Variants in MACF1 observed in about 807,000 individuals in gnomAD.
MACF1 encodes microtubule-actin cross-linking factor 1.
MACF1 carries 193 observed loss-of-function variants against 854.8 expected under a neutral mutation model. The observed-to-expected ratio is 0.23, with a 90% CI of 0.20 to 0.25. The LOEUF (loss-of-function observed/expected upper bound fraction) is 0.25, where lower values mean the gene tolerates loss of function less well. MACF1 is among the 10% of genes least tolerant of loss of function. The probability of loss-of-function intolerance (pLI) is 1.00; values close to 1 mark genes in which losing one functional copy is unlikely to be tolerated. For missense variants in MACF1, 7,722 were observed against 8,929.1 expected (o/e 0.86, Z 5.45); for synonymous variants, 3,185 against 3,226.7 (o/e 0.99, Z 0.44).
At chr1:39,419,800 TGTG>T (rs1278904610) in intron 58 of MACF1, among the ~76,000 whole-genome samples, 1 of 116,890 alleles carries the variant, frequency 8.6e-6, no homozygotes, top group Admixed American at 7.7e-5. Flanking sequence ...GCCTGGCTAG[TGTG>T]TGTGTGTGTG....
At chr1:39,328,274 A>G (rs1312028550) in intron 36 of MACF1, 1 of 152,218 alleles carries the variant, frequency 6.6e-6, no homozygotes. Flanking sequence ...AAGGTAGCCC[A>G]CTTCCAGTGG....
intron 41 of MACF1, among the ~76,000 whole-genome samples, chr1:39,348,722 C>T (rs145578613): frequency 1.3e-5 from 2 of 152,292 alleles, no homozygotes; most frequent in East Asian, 3.9e-4. Flanking sequence ...GTCAGGAGAA[C>T]ACATCATGCT....
At chr1:39,098,688 G>T (rs1641993469) in intron 2 of MACF1, among the ~76,000 whole-genome samples, 1 of 152,226 alleles carries the variant, frequency 6.6e-6, no homozygotes, top group Admixed American at 6.5e-5. Context: ...GACTTGGCCA[G>T]TTGCTATGGT....
chr1:39,101,396 G>GTGTA (rs1282615491), intron 2 of MACF1, among the ~76,000 whole-genome samples: 4 of 148,056 alleles, frequency 2.7e-5, no homozygotes, highest in Non-Finnish European at 6.0e-5. Flanking sequence ...ATATGTGTGT[G>GTGTA]TATATGTATA....
intron 2 of MACF1, among the ~76,000 whole-genome samples, chr1:39,175,388 C>T (rs553110133): frequency 3.9e-5 from 6 of 152,262 alleles, no homozygotes; most frequent in Middle Eastern, 3.4e-3. Context: ...GAATCATGTA[C>T]AGCATTCAGA....
At chr1:39,097,824 T>C (rs1641973614) in intron 2 of MACF1, among the ~76,000 whole-genome samples, 1 of 152,176 alleles carries the variant, frequency 6.6e-6, no homozygotes. Flanking sequence ...GTGACTCTGA[T>C]CTCAACTGAG....
At chr1:39,430,103 G>T (rs147833547) in intron 65 of MACF1, 35 bp downstream of exon 65, 163 of 1,584,744 alleles carry the variant, frequency 1.0e-4, no homozygotes, top group Non-Finnish European at 1.4e-4. Flanking sequence ...AGAAAAAAAG[G>T]CTTCCTCTTT....
At chr1:39,386,842 G>A (rs1641820569) in intron 57 of MACF1, among the ~76,000 whole-genome samples, 2 of 152,208 alleles carry the variant, frequency 1.3e-5, no homozygotes, top group African/African-American at 2.4e-5. Context: ...TGGGATTACA[G>A]GCATGAGCCA....
intron 40 of MACF1, among the ~76,000 whole-genome samples, chr1:39,342,151 T>C (rs1364959804): frequency 6.6e-6 from 1 of 152,004 alleles, no homozygotes; most frequent in Non-Finnish European, 1.5e-5. Flanking sequence ...CATGCCATAT[T>C]TGGCTTTCTG....
rs1310213128 is a variant in MACF1, at chr1:39,310,345, C to T, written c.3017C>T (p.Ser1006Leu). ...LQDSRDSVLF[S>L]VADRLRLEEE... Reference sequence around the variant, plus strand: ...GATAGTCGTGACTCTGTGCTGTTCTCAGTGGCTGATCGCTTGCGCTTGGAA... The same window carrying T: ...GATAGTCGTGACTCTGTGCTGTTCTTAGTGGCTGATCGCTTGCGCTTGGAA... Residue 1006 changes from serine (S) to leucine (L), a missense_variant, in exon 25 of 101, where the codon TCA (serine) becomes TTA (leucine). Transcript: ENST00000564288. The T allele has an allele frequency of 2.5e-6, 4 of 1,614,158 alleles. No homozygotes were observed. Among genetic ancestry groups the T allele is most frequent in the South Asian group, 2.2e-5 (2 of 91,076 alleles).
chr1:39,285,039 G>C (rs781748961), intron 11 of MACF1, 44 bp from the exon 12 acceptor site: 1 of 1,605,302 alleles, frequency 6.2e-7, no homozygotes, highest in South Asian at 1.1e-5. Context: ...ACTGGGACAA[G>C]AGGGCATGGC....
chr1:39,326,082 T>A (rs115488715), intron 35 of MACF1, among the ~76,000 whole-genome samples: 70 of 152,236 alleles, frequency 4.6e-4, no homozygotes, highest in African/African-American at 1.6e-3. Context: ...GGTAAGGAAC[T>A]GATCAAGAAT....
At chr1:39,454,869 C>T (rs760344170) in intron 88 of MACF1, 40 bp from the exon 89 acceptor site, 3 of 1,564,342 alleles carry the variant, frequency 1.9e-6, no homozygotes, top group Non-Finnish European at 1.7e-6. Flanking sequence ...AGGGGGTATG[C>T]TTGACTGAAA....
chr1:39,306,891 A>G (rs1249942296), intron 23 of MACF1, among the ~76,000 whole-genome samples: 3 of 149,460 alleles, frequency 2.0e-5, no homozygotes, highest in African/African-American at 7.4e-5. Context: ...TATTATTATT[A>G]TTGAGATAGA....
In MACF1 at chr1:39,318,542, C is replaced by G; in HGVS notation, c.3872C>G (p.Ala1291Gly). ...TLIKWIEETT[A>G]QQEMMKPGQA... ...ATCAAGTGGATTGAGGAAACCACTG[C>G]CCAGCAGGAAATGATGAAGCCAGGC... The change falls in exon 30 of 101, where the codon GCC (alanine) becomes GGC (glycine). Residue 1291 changes from alanine to glycine, a missense_variant. Ala to Gly is a moderately conservative substitution (Grantham distance 60). Transcript: ENST00000564288. 1 of 1,613,902 alleles carries G rather than the reference C, an allele frequency of 6.2e-7. No homozygotes were observed. Among genetic ancestry groups the G allele is most frequent in the Non-Finnish European group, 8.5e-7 (1 of 1,179,936 alleles).
At position 39,347,204 on chromosome 1, in the gene MACF1, G is replaced by A. The variant is rs368970879; in HGVS notation, c.10809G>A (p.Leu3603=). ...TTCAACAAATGGAGCAGGAAGCCCT[G>A]GTGAAGGTCAGACTGAACCAGCAGC... The part of the protein sequence containing the change: ...GHLQQMEQEA[L]VKTLQKQQNT... The change falls in exon 41 of 101, where the codon CTG becomes CTA. Residue 3603 remains leucine, a synonymous_variant. Transcript: ENST00000564288. 5 of 1,611,908 alleles carry A rather than the reference G, an allele frequency of 3.1e-6. No individual in the cohort carries two copies. In the African/African-American group the frequency reaches 5.3e-5, roughly 17 times the overall value.
chr1:39,176,002 C>T (rs930395717), intron 2 of MACF1, among the ~76,000 whole-genome samples: 3 of 146,438 alleles, frequency 2.0e-5, no homozygotes, highest in African/African-American at 7.6e-5. Flanking sequence ...CCCAGCTACT[C>T]GGGAGGCTGA....
intron 2 of MACF1, among the ~76,000 whole-genome samples, chr1:39,243,130 A>G (rs1019167482): frequency 5.9e-5 from 9 of 152,224 alleles, no homozygotes; most frequent in African/African-American, 1.9e-4. Flanking sequence ...TAATATAGAC[A>G]TCCTAGACAG....
intron 1 of MACF1, among the ~76,000 whole-genome samples, chr1:39,223,953 G>C (rs1459222097): frequency 6.6e-6 from 1 of 152,162 alleles, no homozygotes; most frequent in Non-Finnish European, 1.5e-5. Flanking sequence ...TCAGAAGCAA[G>C]GAGAAAAGAA....
Sources: allele counts gnomAD v4.1 joint callset (sites outside exome capture counted in the v4.1 genomes callset), GRCh38; gene constraint gnomAD v4.1.1; transcripts MANE v1.5; gene names NCBI Gene and HGNC (gene_info 2026-07-23, HGNC 2026-07-21).